Variants in TMEFF1 observed in about 807,000 individuals in gnomAD.
The protein encoded by TMEFF1 is transmembrane protein with EGF like and two follistatin like domains 1.
A neutral mutation model predicts 47.5 loss-of-function variants in TMEFF1; 20 were observed. The ratio of observed to expected loss-of-function variants is 0.42; its 90% CI spans 0.30 to 0.61. The LOEUF is 0.61. TMEFF1 is among the 20% of genes least tolerant of loss of function. TMEFF1 has a pLI of 0.19. For synonymous variants in TMEFF1, 162 were observed against 166.3 expected (o/e 0.97, Z 0.20); for missense variants, 411 against 471.1 (o/e 0.87, Z 1.18).
chr9:100,510,057 C>T (rs749033203), intron 3 of TMEFF1, among the ~76,000 whole-genome samples: 5 of 152,216 alleles, frequency 3.3e-5, no homozygotes, highest in South Asian at 2.1e-4. Context: ...AGGGGATTTC[C>T]ACTTCCTTTC....
At chr9:100,494,763 T>C (rs1297818863) in intron 1 of TMEFF1, among the ~76,000 whole-genome samples, 1 of 152,170 alleles carries the variant, frequency 6.6e-6, no homozygotes, top group East Asian at 1.9e-4. Flanking sequence ...AGATCCAAGG[T>C]AGGCAATTAG....
intron 5 of TMEFF1, among the ~76,000 whole-genome samples, chr9:100,533,103 G>T (rs1838427895): frequency 8.3e-6 from 1 of 119,776 alleles, no homozygotes; most frequent in Non-Finnish European, 1.7e-5. Flanking sequence ...TGGGGGGAGG[G>T]GGGAGGGATA....
chr9:100,550,037 T>C (rs1407407464), intron 6 of TMEFF1, 58 bp from the exon 7 acceptor site: 10 of 1,563,624 alleles, frequency 6.4e-6, no homozygotes, highest in Non-Finnish European at 8.6e-6. Context: ...ATTGGGAGTA[T>C]CATGATATGA....
chr9:100,531,681 C>G (rs985599633), intron 5 of TMEFF1, among the ~76,000 whole-genome samples: 1 of 152,036 alleles, frequency 6.6e-6, no homozygotes, highest in Admixed American at 6.5e-5. Context: ...TTTACAGATT[C>G]AATGCCATCC....
At chr9:100,479,496 A>G (rs1338443253) in intron 1 of TMEFF1, among the ~76,000 whole-genome samples, 2 of 152,112 alleles carry the variant, frequency 1.3e-5, no homozygotes, top group South Asian at 2.1e-4. Flanking sequence ...ATCACCCCCA[A>G]AAGAAACCTC....
At position 100,491,077 on chromosome 9, in the gene TMEFF1, C is replaced by T. The variant is rs576397071; in HGVS notation, c.197-7688C>T. The stretch of plus-strand genomic sequence containing the variant: ...GCATTTTCACTTTAACATTAATAAG[C>T]TTATTTCCATATTCTATAATATACA... On this transcript the variant is annotated intron_variant, in intron 1 of 9. Coordinates refer to ENST00000374879, the MANE Select transcript of TMEFF1 (RefSeq NM_003692.5). 7.2e-5 allele frequency among the ~76,000 whole-genome samples: 11 copies of T among 152,114 alleles called. No individual in the cohort carries two copies. The South Asian group carries it at 1.9e-3, about 26-fold the overall frequency.
Position 100,545,078 on chromosome 9 carries a change from C to T in TMEFF1, c.561-2666C>T, listed in dbSNP as rs559315006. 3.1e-3 allele frequency among the ~76,000 whole-genome samples: 479 copies of T among 152,328 alleles called. 3 individuals carry two copies. The highest frequency in any genetic ancestry group is 0.01 in the African/African-American group (432 of 41,572). On this transcript the variant is annotated intron_variant, in intron 5 of 9. Coordinates refer to ENST00000374879, the MANE Select transcript of TMEFF1 (RefSeq NM_003692.5). ...TGAGTGTCTGTGGCTTTTCCAGATG[C>T]ACAGTGCGAGCTGTCAGTAGATCTG...
At chr9:100,555,868 A>G (rs1434833772) in intron 7 of TMEFF1, among the ~76,000 whole-genome samples, 1 of 152,140 alleles carries the variant, frequency 6.6e-6, no homozygotes, top group African/African-American at 2.4e-5. Context: ...TATTTATGTT[A>G]TTTAGTCCTC....
chr9:100,527,720 G>C (rs1307549337), intron 5 of TMEFF1, among the ~76,000 whole-genome samples: 10 of 152,198 alleles, frequency 6.6e-5, no homozygotes, highest in Non-Finnish European at 1.2e-4. Context: ...CGGGAAGCTC[G>C]AACTGGGTGG....
At chr9:100,517,772 TG>T (rs1337451766) in intron 5 of TMEFF1, among the ~76,000 whole-genome samples, 2 of 152,200 alleles carry the variant, frequency 1.3e-5, no homozygotes, top group Admixed American at 6.5e-5. Flanking sequence ...TGGTTTGATT[TG>T]GAAGAACATG....
rs568021377 is a variant in TMEFF1, at chr9:100,572,982, C to CT, written c.1058+322dup. ...CTGGGAAAATAATGTTAGTAGCAAT[C>CT]TTTTTTTTTTTTTTTTAAGAGACAG... On this transcript the variant is annotated intron_variant, in intron 9 of 9. Coordinates refer to ENST00000374879, the MANE Select transcript of TMEFF1 (RefSeq NM_003692.5). 8.7e-3 allele frequency among the ~76,000 whole-genome samples: 1,226 copies of CT among 140,316 alleles called. 7 individuals carry two copies. Among genetic ancestry groups the CT allele is most frequent in the East Asian group, 0.058 (280 of 4,798 alleles). 92.1% of individuals were successfully genotyped at this position (140,316 alleles called of 152,430 possible).
chr9:100,529,335 T>G (rs1244143785), intron 5 of TMEFF1, among the ~76,000 whole-genome samples: 17 of 151,348 alleles, frequency 1.1e-4, no homozygotes, highest in Non-Finnish European at 1.5e-5. Context: ...GTGTGCTGTA[T>G]TCAGGAAACC....
intron 3 of TMEFF1, among the ~76,000 whole-genome samples, chr9:100,511,882 C>T (rs774815612): frequency 1.2e-4 from 18 of 152,068 alleles, no homozygotes; most frequent in Non-Finnish European, 2.2e-4. Flanking sequence ...ATATAACATA[C>T]AGGGAGAATT....
chr9:100,530,096 G>T (rs1250791493), intron 5 of TMEFF1, among the ~76,000 whole-genome samples: 4 of 151,598 alleles, frequency 2.6e-5, no homozygotes, highest in African/African-American at 9.7e-5. Context: ...TCAAAGCAGT[G>T]TGTAGAGGGA....
chr9:100,548,952 C>G (rs1838785751), intron 6 of TMEFF1, among the ~76,000 whole-genome samples: 1 of 152,020 alleles, frequency 6.6e-6, no homozygotes, highest in African/African-American at 2.4e-5. Context: ...AGTGGGGTGG[C>G]ATTTAGAGCT....
chr9:100,566,850 G>A (rs934077524), intron 8 of TMEFF1, among the ~76,000 whole-genome samples: 3 of 151,874 alleles, frequency 2.0e-5, no homozygotes, highest in African/African-American at 2.4e-5. Context: ...GATTACAGGC[G>A]TGCACCACCA....
chr9:100,516,797 A>G (rs771997674), intron 5 of TMEFF1, 26 bp downstream of exon 5: 3 of 1,608,606 alleles, frequency 1.9e-6, no homozygotes, highest in African/African-American at 1.3e-5. Flanking sequence ...GGAAGGGACA[A>G]AGTTATTTAG....
At chr9:100,517,133 C>G (rs1838090158) in intron 5 of TMEFF1, among the ~76,000 whole-genome samples, 1 of 152,220 alleles carries the variant, frequency 6.6e-6, no homozygotes. Flanking sequence ...ATTTCCCATT[C>G]ATTCCCTGTA....
chr9:100,531,183 G>A (rs1838369431), intron 5 of TMEFF1, among the ~76,000 whole-genome samples: 1 of 152,160 alleles, frequency 6.6e-6, no homozygotes, highest in Admixed American at 6.5e-5. Flanking sequence ...GCACAAGACA[G>A]GGATGCCCTC....
Sources: allele counts gnomAD v4.1 joint callset (sites outside exome capture counted in the v4.1 genomes callset), GRCh38; gene constraint gnomAD v4.1.1; transcripts MANE v1.5; gene names NCBI Gene and HGNC (gene_info 2026-07-23, HGNC 2026-07-21).